MTNAP1: variants seen among roughly 807,000 people sequenced by gnomAD.
MTNAP1 encodes mitochondrial nucleoid associated protein 1, also known as mitochondrial nucleoid-associated protein 1.
chr17:73,237,049 C>A, the MTNAP1 span: 8 of 1,457,292 alleles, frequency 5.5e-6, no homozygotes, highest in Admixed American at 2.4e-5. Flanking sequence ...GCTCTCTCTG[C>A]CTTTTGAATT....
At chr17:73,236,120 G>C in the MTNAP1 span, 3 of 1,614,142 alleles carry the variant, frequency 1.9e-6, no homozygotes, top group Non-Finnish European at 1.7e-6. Context: ...GATCCCCAAA[G>C]ACAGGAACTT....
the MTNAP1 span, chr17:73,247,664 CAAGTTT>C: frequency 5.0e-6 from 1 of 200,028 alleles, no homozygotes; most frequent in Admixed American, 5.4e-5. Flanking sequence ...CTTGTATTGC[CAAGTTT>C]AAGGCAAAGG....
At chr17:73,233,634 C>G in the MTNAP1 span, among the ~76,000 whole-genome samples, 18 of 152,288 alleles carry the variant, frequency 1.2e-4, no homozygotes, top group Admixed American at 5.2e-4. Context: ...GAGGCCGAGG[C>G]GGGTGGATCA....
At chr17:73,243,075 GAA>G in the MTNAP1 span, 576,691 of 1,014,336 alleles carry the variant, frequency 0.57, 161,466 homozygotes, top group East Asian at 0.66. Flanking sequence ...GGGATTCTCT[GAA>G]TTTTTTTTTT....
At chr17:73,247,754 T>C in the MTNAP1 span, 26 of 165,174 alleles carry the variant, frequency 1.6e-4, no homozygotes, top group Non-Finnish European at 2.4e-4. Context: ...AACTCACATA[T>C]AGTAGGAAAC....
chr17:73,241,390 C>T, the MTNAP1 span, among the ~76,000 whole-genome samples: 6 of 152,004 alleles, frequency 3.9e-5, no homozygotes, highest in African/African-American at 7.2e-5. Context: ...AATCTCCTGA[C>T]GTCGTGATCC....
the MTNAP1 span, chr17:73,235,789 G>A: frequency 6.2e-7 from 1 of 1,614,126 alleles, no homozygotes; most frequent in Non-Finnish European, 8.5e-7. Context: ...TTTGGAAAGA[G>A]CAGCTACTAC....
chr17:73,248,427 A>AT, the MTNAP1 span: 2 of 1,333,856 alleles, frequency 1.5e-6, no homozygotes. Context: ...CTGCAGAAGG[A>AT]GGGGGTAAAA....
chr17:73,248,829 C>T, the MTNAP1 span: 3 of 348,220 alleles, frequency 8.6e-6, no homozygotes, highest in Non-Finnish European at 1.0e-5. Flanking sequence ...TTTTCTAATG[C>T]ACATTAAAAT....
chr17:73,240,049 T>G, the MTNAP1 span, among the ~76,000 whole-genome samples: 1 of 152,226 alleles, frequency 6.6e-6, no homozygotes, highest in Admixed American at 6.5e-5. Flanking sequence ...AGTCAATACC[T>G]TGTTTGATAT....
At chr17:73,243,890 G>C in the MTNAP1 span, among the ~76,000 whole-genome samples, 1 of 152,082 alleles carries the variant, frequency 6.6e-6, no homozygotes, top group South Asian at 2.1e-4. Flanking sequence ...CTGTTACCCT[G>C]CTCCAATGGA....
the MTNAP1 span, chr17:73,236,665 C>A: frequency 1 from 1,611,900 of 1,614,210 alleles, 804,823 homozygotes; most frequent in East Asian, 1. Flanking sequence ...CCAGAATCAT[C>A]ATTGTGTCCC....
the MTNAP1 span, chr17:73,236,720 T>C: frequency 3.7e-6 from 6 of 1,614,094 alleles, no homozygotes; most frequent in East Asian, 2.2e-5. Flanking sequence ...CAGTTATCTC[T>C]GGAGCCCAAA....
At chr17:73,245,078 A>G in the MTNAP1 span, 33 of 1,265,346 alleles carry the variant, frequency 2.6e-5, no homozygotes, top group East Asian at 6.9e-4. Flanking sequence ...CTTATAAAAC[A>G]AAAAGAGAAT....
chr17:73,239,571 T>G, the MTNAP1 span, among the ~76,000 whole-genome samples: 15 of 146,442 alleles, frequency 1.0e-4, no homozygotes, highest in African/African-American at 3.8e-4. Context: ...CAGGCTGGAG[T>G]GCAATGGCAC....
At chr17:73,234,773 C>CTGTGTG in the MTNAP1 span, among the ~76,000 whole-genome samples, 34 of 146,070 alleles carry the variant, frequency 2.3e-4, no homozygotes, top group Admixed American at 1.2e-3. Flanking sequence ...TTATGTATAT[C>CTGTGTG]TGTGTGTGTG....
At chr17:73,243,815 G>C in the MTNAP1 span, among the ~76,000 whole-genome samples, 4 of 152,166 alleles carry the variant, frequency 2.6e-5, no homozygotes, top group African/African-American at 9.7e-5. Context: ...TTACAGGCAT[G>C]AGCCACCGCA....
At chr17:73,241,315 G>A in the MTNAP1 span, among the ~76,000 whole-genome samples, 2 of 151,932 alleles carry the variant, frequency 1.3e-5, no homozygotes, top group Admixed American at 6.6e-5. Context: ...CCGCCACCAC[G>A]CCCGGCTAAT....
At chr17:73,234,935 C>T in the MTNAP1 span, among the ~76,000 whole-genome samples, 6 of 151,926 alleles carry the variant, frequency 3.9e-5, no homozygotes, top group South Asian at 2.1e-4. Flanking sequence ...TTTGGCTGGG[C>T]GTGGGCGTGG....
Sources: allele counts gnomAD v4.1 joint callset (sites outside exome capture counted in the v4.1 genomes callset), GRCh38; gene constraint gnomAD v4.1.1; transcripts MANE v1.5; gene names NCBI Gene and HGNC (gene_info 2026-07-23, HGNC 2026-07-21).